The following PBRM1 variants were observed in gnomAD, a reference collection of about 807,000 sequenced individuals.
The protein encoded by PBRM1 is protein polybromo-1.
Under a neutral mutation model 194.5 loss-of-function variants are expected in PBRM1, and 27 were observed. The observed-to-expected ratio is 0.14, with a 90% CI of 0.10 to 0.19. PBRM1 has a LOEUF of 0.19. PBRM1 is among the 10% of genes least tolerant of loss of function. PBRM1 has a pLI of 1.00. For synonymous variants in PBRM1, 655 were observed against 693.2 expected (o/e 0.94, Z 0.87); for missense variants, 1,466 against 2,077.2 (o/e 0.71, Z 5.72).
chr3:52,647,709 C>G (rs1018834893), intron 7 of PBRM1, among the ~76,000 whole-genome samples: 1 of 151,664 alleles, frequency 6.6e-6, no homozygotes, highest in African/African-American at 2.4e-5. Context: ...ATTACGCTAA[C>G]TGAAGGAATC....
intron 22 of PBRM1, among the ~76,000 whole-genome samples, chr3:52,567,456 G>T (rs994207175): frequency 6.6e-6 from 1 of 150,892 alleles, no homozygotes; most frequent in African/African-American, 2.4e-5. Context: ...TCCATAAAGG[G>T]TGTCCTAATT....
At chr3:52,650,039 T>C (rs1405314519) in intron 6 of PBRM1, among the ~76,000 whole-genome samples, 1 of 152,038 alleles carries the variant, frequency 6.6e-6, no homozygotes, top group Non-Finnish European at 1.5e-5. Flanking sequence ...CTTGAGTCAT[T>C]CTCAGTAACA....
chr3:52,566,693 T>G (rs1387174961), intron 22 of PBRM1, among the ~76,000 whole-genome samples: 1 of 152,124 alleles, frequency 6.6e-6, no homozygotes. Context: ...AGGTACAAAG[T>G]TTTTATTTGG....
intron 20 of PBRM1, among the ~76,000 whole-genome samples, chr3:52,580,584 G>T (rs1007049888): frequency 1.3e-5 from 2 of 151,998 alleles, no homozygotes; most frequent in Admixed American, 1.3e-4. Context: ...GGATGGTCTT[G>T]ATCTCCTGAC....
At chr3:52,572,098 C>T (rs1397103001) in intron 22 of PBRM1, among the ~76,000 whole-genome samples, 1 of 148,808 alleles carries the variant, frequency 6.7e-6, no homozygotes, top group Non-Finnish European at 1.5e-5. Context: ...ATCTGAATAT[C>T]TCTTGGATTT....
At chr3:52,683,810 T>C (rs1005536770), upstream of PBRM1, among the ~76,000 whole-genome samples, 7 of 48,118 alleles carry the variant, frequency 1.5e-4, no homozygotes, top group South Asian at 7.6e-4. Flanking sequence ...AGAGTAAGAC[T>C]GTCTCCAAAA....
chr3:52,573,246 A>G (rs1478630240), intron 22 of PBRM1, among the ~76,000 whole-genome samples: 2 of 152,076 alleles, frequency 1.3e-5, no homozygotes, highest in African/African-American at 2.4e-5. Flanking sequence ...CCTGGATATA[A>G]AACTGGTAGA....
At chr3:52,685,794 C>T in exon 1 of PBRM1, 1 of 303,298 alleles carries the variant, frequency 3.3e-6, no homozygotes, top group Non-Finnish European at 6.0e-6. Flanking sequence ...CACCGACCGC[C>T]GCGCCCCGCC....
chr3:52,559,101 ACAC>A (rs1354119453), intron 25 of PBRM1, among the ~76,000 whole-genome samples: 1 of 152,354 alleles, frequency 6.6e-6, no homozygotes, highest in East Asian at 1.9e-4. Flanking sequence ...AATTAAATAA[ACAC>A]GTATGTAGCA....
At chr3:52,668,289 CCT>C (rs2096879409) in intron 3 of PBRM1, among the ~76,000 whole-genome samples, 1 of 152,060 alleles carries the variant, frequency 6.6e-6, no homozygotes, top group Non-Finnish European at 1.5e-5. Flanking sequence ...AGAGCAAGAC[CCT>C]GTCTCAAAAG....
chr3:52,672,491 CTTTTT>C (rs34792299), intron 2 of PBRM1, among the ~76,000 whole-genome samples: 6 of 103,860 alleles, frequency 5.8e-5, no homozygotes, highest in South Asian at 3.0e-4. Context: ...TTTTTTTTGG[CTTTTT>C]TTTTTTTTTT....
At chr3:52,662,821 T>C (rs2096751931) in intron 3 of PBRM1, among the ~76,000 whole-genome samples, 1 of 114,336 alleles carries the variant, frequency 8.7e-6, no homozygotes, top group African/African-American at 3.5e-5. Flanking sequence ...CAAGACTCTG[T>C]CTTAAAAAAA....
At position 52,587,823 on chromosome 3, in the gene PBRM1, C is replaced by T. The variant is rs3852066; in HGVS notation, c.2966-313G>A. ...AGCTACAGTTTAATATAATTATCCA[C>T]AGGAGAAATAATACTCAAAAATAAT... On this transcript the variant is annotated intron_variant, in intron 18 of 29. Transcript: ENST00000296302. Among the ~76,000 whole-genome samples, 69,125 of 151,738 alleles carry T rather than the reference C, an allele frequency of 0.46. 16,107 individuals are homozygous for T. The highest frequency in any genetic ancestry group is 0.52 in the African/African-American group (21,614 of 41,356).
chr3:52,586,345 T>A, intron 20 of PBRM1, 80 bp downstream of exon 22: 1 of 1,227,172 alleles, frequency 8.1e-7, no homozygotes, highest in African/African-American at 1.5e-5. Context: ...TTTTCTAAGT[T>A]TGAATACTTT....
upstream of PBRM1, chr3:52,681,961 A>G: frequency 6.2e-6 from 1 of 160,864 alleles, no homozygotes. Flanking sequence ...CAGGCATATC[A>G]GTTCTCTTGT....
At chr3:52,681,771 G>A (rs1400864217), upstream of PBRM1, 1 of 996,652 alleles carries the variant, frequency 1.0e-6, no homozygotes, top group African/African-American at 1.7e-5. Flanking sequence ...GAAGCCAGTG[G>A]GAGAAGGAAG....
intron 16 of PBRM1, among the ~76,000 whole-genome samples, chr3:52,605,090 T>C (rs1361249382): frequency 6.6e-6 from 1 of 152,204 alleles, no homozygotes; most frequent in Non-Finnish European, 1.5e-5. Context: ...GAGGAAGGTT[T>C]ACATACAATT....
At chr3:52,605,806 T>G (rs934546972) in intron 16 of PBRM1, among the ~76,000 whole-genome samples, 1 of 152,042 alleles carries the variant, frequency 6.6e-6, no homozygotes, top group Admixed American at 6.6e-5. Context: ...CTTCACCATG[T>G]TGGCCAGGCT....
chr3:52,655,091 T>C (rs1344213991), intron 5 of PBRM1, among the ~76,000 whole-genome samples: 1 of 152,178 alleles, frequency 6.6e-6, no homozygotes, highest in Non-Finnish European at 1.5e-5. Context: ...ATAAATTTCA[T>C]GTAGTAACAT....
Sources: gnomAD v4.1 joint callset for allele counts (sites outside exome capture counted in the v4.1 genomes callset) on GRCh38, gnomAD v4.1.1 for gene constraint, MANE v1.5 for transcripts, NCBI Gene and HGNC (gene_info 2026-07-23, HGNC 2026-07-21) for gene names.